COL19A1: variants seen among roughly 807,000 people sequenced by gnomAD.
COL19A1 encodes collagen type XIX alpha 1 chain.
Under a neutral mutation model 190.2 loss-of-function variants are expected in COL19A1, and 159 were observed. That is an observed-to-expected ratio of 0.84 (90% CI 0.73 to 0.95). COL19A1 has a LOEUF of 0.95. COL19A1 is among the 40% of genes least tolerant of loss of function. The pLI is 0.00. For synonymous variants in COL19A1, 509 were observed against 458.9 expected, an observed-to-expected ratio of 1.11 and a Z score of -1.39; for missense variants, 1,418 against 1,431.9, an observed-to-expected ratio of 0.99 and a Z score of 0.16.
Position 69,886,367 on chromosome 6 carries a change from G to A in COL19A1, c.91+6709G>A, listed in dbSNP as rs74641336. On this transcript the variant is annotated intron_variant, in intron 2 of 50. Transcript: ENST00000620364. ...AGGATATGGAGAAAAGAGAACTCTA[G>A]CACACTGTTGGTGGGAATGTGGATT... Among the ~76,000 whole-genome samples the A allele has an allele frequency of 3.9e-5, 6 of 152,282 alleles. No individual in the cohort carries two copies. In the East Asian group the frequency reaches 1.2e-3, roughly 29 times the overall value.
intron 18 of COL19A1, 95 bp from the exon 19 acceptor site, chr6:70,137,590 G>A: frequency 8.9e-7 from 1 of 1,128,360 alleles, no homozygotes; most frequent in East Asian, 2.4e-5. Flanking sequence ...AAATTGTATA[G>A]TTAGCAGGAG....
chr6:69,867,040 TGGG>T (rs978888846), intron 1 of COL19A1, among the ~76,000 whole-genome samples: 3 of 149,596 alleles, frequency 2.0e-5, no homozygotes, highest in East Asian at 2.0e-4. Flanking sequence ...ACAAAAAAAA[TGGG>T]GGGTTAAAGG....
At chr6:70,117,809 A>G (rs894128396) in intron 16 of COL19A1, among the ~76,000 whole-genome samples, 5 of 152,228 alleles carry the variant, frequency 3.3e-5, no homozygotes, top group African/African-American at 1.2e-4. Context: ...CAGACATTGT[A>G]TAGGCATGAC....
At chr6:70,030,834 G>C (rs757234664) in intron 12 of COL19A1, among the ~76,000 whole-genome samples, 1 of 152,060 alleles carries the variant, frequency 6.6e-6, no homozygotes, top group African/African-American at 2.4e-5. Context: ...TCCAGCATGT[G>C]CCAACTCTGA....
intron 18 of COL19A1, among the ~76,000 whole-genome samples, chr6:70,135,276 A>C (rs1446932587): frequency 6.6e-6 from 1 of 152,150 alleles, no homozygotes; most frequent in African/African-American, 2.4e-5. Flanking sequence ...TGGAAGCTTC[A>C]TTATGTAGGC....
At chr6:69,886,789 TTA>T (rs1269372035) in intron 2 of COL19A1, among the ~76,000 whole-genome samples, 2 of 152,204 alleles carry the variant, frequency 1.3e-5, no homozygotes, top group African/African-American at 4.8e-5. Context: ...GCTCTTTACT[TTA>T]TATTAAAGTA....
chr6:70,169,203 T>C (rs893877798), intron 40 of COL19A1, among the ~76,000 whole-genome samples: 8 of 152,208 alleles, frequency 5.3e-5, no homozygotes, highest in Admixed American at 4.6e-4. Flanking sequence ...AAGGAGATCA[T>C]GTCCTCCAGC....
chr6:70,039,245 A>T (rs532060557), intron 14 of COL19A1, among the ~76,000 whole-genome samples: 20 of 152,296 alleles, frequency 1.3e-4, no homozygotes, highest in African/African-American at 4.8e-4. Flanking sequence ...CTCGAGAACT[A>T]AGGCTCTGAA....
At chr6:69,968,981 G>C (rs1021039759) in intron 11 of COL19A1, among the ~76,000 whole-genome samples, 1 of 152,130 alleles carries the variant, frequency 6.6e-6, no homozygotes, top group African/African-American at 2.4e-5. Flanking sequence ...TTTGTGTTCT[G>C]TGTTCCAGTC....
intron 16 of COL19A1, among the ~76,000 whole-genome samples, chr6:70,113,225 G>A (rs758578360): frequency 5.9e-5 from 9 of 152,096 alleles, no homozygotes; most frequent in Non-Finnish European, 1.2e-4. Context: ...TAAGCATGTC[G>A]CTGCCAGCTT....
rs189298684 is a variant in COL19A1, at chr6:70,038,408, G to T, written c.1170+2469G>T. 1.8e-4 allele frequency among the ~76,000 whole-genome samples: 27 copies of T among 152,292 alleles called. No homozygotes were observed. The East Asian group carries it at 4.6e-3, about 26-fold the overall frequency. The stretch of plus-strand genomic sequence containing the variant: ...ACCATTATTTATGGGAACTAGAATG[G>T]AAAAAGCTTTCTTCCTACTCAAAAA... On this transcript the variant is annotated intron_variant, in intron 14 of 50. Transcript: ENST00000620364.
At chr6:69,872,200 A>T (rs896676883) in intron 1 of COL19A1, among the ~76,000 whole-genome samples, 13 of 152,052 alleles carry the variant, frequency 8.5e-5, no homozygotes, top group African/African-American at 2.9e-4. Flanking sequence ...CTCAAAGAAA[A>T]CATGATGTTT....
In COL19A1 at chr6:69,907,421, C is replaced by T. The variant is rs1014208042; in HGVS notation, c.266+7083C>T. Among the ~76,000 whole-genome samples the T allele has an allele frequency of 5.9e-5, 9 of 152,206 alleles. No individual in the cohort carries two copies. The East Asian group carries it at 7.7e-4, about 13-fold the overall frequency. On this transcript the variant is annotated intron_variant, in intron 4 of 50. Transcript: ENST00000620364. The stretch of plus-strand genomic sequence containing the variant: ...CTGGGATTACAGGCATGAGCCACTG[C>T]GCCCGGCTGATTTTTATCATTATAA...
At chr6:69,902,511 C>G (rs144469345) in intron 4 of COL19A1, among the ~76,000 whole-genome samples, 94 of 152,282 alleles carry the variant, frequency 6.2e-4, no homozygotes, top group African/African-American at 2.2e-3. Flanking sequence ...CTGTCAGGTC[C>G]ACAACCCAGG....
At chr6:69,973,677 T>C (rs1294947252) in intron 11 of COL19A1, among the ~76,000 whole-genome samples, 2 of 152,208 alleles carry the variant, frequency 1.3e-5, no homozygotes, top group Non-Finnish European at 2.9e-5. Flanking sequence ...CTTAATACAA[T>C]CATCAAATAT....
Position 70,176,595 on chromosome 6 carries a change from C to T in COL19A1, c.2667+31C>T, listed in dbSNP as rs148885401. 896 of 1,610,440 alleles carry T rather than the reference C, an allele frequency of 5.6e-4. 11 individuals are homozygous for T. In the East Asian group the frequency reaches 0.02, roughly 35 times the overall value. On this transcript the variant is annotated intron_variant, in intron 42 of 50. Coordinates refer to ENST00000620364, the MANE Select transcript of COL19A1 (RefSeq NM_001858.6). Reference sequence around the variant, plus strand: ...TTCAGATTACTTCACATCATTTTCACAGGTAAACGGTTCTATCTCCATGAT... The same window carrying T: ...TTCAGATTACTTCACATCATTTTCATAGGTAAACGGTTCTATCTCCATGAT...
intron 9 of COL19A1, among the ~76,000 whole-genome samples, chr6:69,940,688 A>G (rs879924932): frequency 6.6e-6 from 1 of 152,120 alleles, no homozygotes; most frequent in Admixed American, 6.5e-5. Flanking sequence ...GGAAATTTAT[A>G]ATCTACACAA....
At chr6:70,137,577 G>C in intron 18 of COL19A1, 108 bp from the exon 19 acceptor site, 1 of 1,007,750 alleles carries the variant, frequency 9.9e-7, no homozygotes, top group Non-Finnish European at 1.5e-6. Flanking sequence ...GATGCTAATA[G>C]ATAAATTGTA....
In COL19A1 at chr6:69,872,055, A is replaced by C. The variant is rs564071632; in HGVS notation, c.-33+5415A>C. Among the ~76,000 whole-genome samples the C allele has an allele frequency of 3.4e-3, 516 of 152,166 alleles. 8 individuals carry two copies. Among genetic ancestry groups the C allele is most frequent in the African/African-American group, 0.012 (487 of 41,528 alleles). On this transcript the variant is annotated intron_variant, in intron 1 of 50. Coordinates refer to ENST00000620364, the MANE Select transcript of COL19A1 (RefSeq NM_001858.6). ...TTGTCTCGAACTCCTGACATCAGGC[A>C]ATCTGCCTGCCTTGGCCTCCCAAAG...
Sources: allele counts gnomAD v4.1 joint callset (sites outside exome capture counted in the v4.1 genomes callset), GRCh38; gene constraint gnomAD v4.1.1; transcripts MANE v1.5; gene names NCBI Gene and HGNC (gene_info 2026-07-23, HGNC 2026-07-21).